BCR: variants seen among roughly 807,000 people sequenced by gnomAD.
BCR encodes BCR activator of RhoGEF and GTPase, also known as breakpoint cluster region protein.
BCR carries 58 observed loss-of-function variants against 138.6 expected under a neutral mutation model. That is an observed-to-expected ratio of 0.42 (90% CI 0.34 to 0.52). The LOEUF is 0.52. BCR is among the 20% of genes least tolerant of loss of function. The pLI, the probability that BCR is intolerant of heterozygous loss-of-function variation, is 0.06. For missense variants in BCR, 1,599 were observed against 1,727.2 expected (o/e 0.93, Z 1.32); for synonymous variants, 786 against 730.1 (o/e 1.08, Z -1.23).
At chr22:23,258,556 C>CTG (rs1194487723) in intron 2 of BCR, among the ~76,000 whole-genome samples, 1 of 152,212 alleles carries the variant, frequency 6.6e-6, no homozygotes, top group African/African-American at 2.4e-5. Context: ...ACCATGAGGC[C>CTG]TGAGCTGACC....
At chr22:23,315,327 C>CTT (rs2074057495) in intron 22 of BCR, 106 bp from the exon 23 acceptor site, 1 of 1,026,630 alleles carries the variant, frequency 9.7e-7, no homozygotes, top group African/African-American at 1.6e-5. Flanking sequence ...AGCAGGGGTC[C>CTT]CCAGCACCTG....
At chr22:23,263,733 C>G in intron 4 of BCR, 2 of 1,427,588 alleles carry the variant, frequency 1.4e-6, no homozygotes, top group Non-Finnish European at 9.9e-7. Context: ...AGGAGGTGAA[C>G]TGTGTGGATT....
chr22:23,191,518 G>A (rs1001256425), intron 1 of BCR, among the ~76,000 whole-genome samples: 7 of 152,098 alleles, frequency 4.6e-5, no homozygotes, highest in East Asian at 3.8e-4. Flanking sequence ...TTTCTTTAAC[G>A]GTATATTTGC....
chr22:23,210,294 A>G (rs5996489), intron 1 of BCR, among the ~76,000 whole-genome samples: 10,795 of 151,844 alleles, frequency 0.071, 1,264 homozygotes, highest in African/African-American at 0.24. Flanking sequence ...GCATGGACCT[A>G]TAGTCCTGGC....
Position 23,195,912 on chromosome 22 carries a change from A to G in BCR, c.1279+13673A>G, listed in dbSNP as rs2330366. ...AATTAAAAACAAATTAAATAAATAAATAAATACCACTGCTTTTTTAATAAC... is the reference window on the plus strand; with the variant it reads ...AATTAAAAACAAATTAAATAAATAAGTAAATACCACTGCTTTTTTAATAAC... On this transcript the variant is annotated intron_variant, in intron 1 of 22. Transcript: ENST00000305877. Among the ~76,000 whole-genome samples the G allele has an allele frequency of 4.8e-3, 738 of 152,320 alleles. 5 individuals are homozygous for G. The highest frequency in any genetic ancestry group is 0.017 in the African/African-American group (695 of 41,570).
intron 1 of BCR, among the ~76,000 whole-genome samples, chr22:23,236,148 T>A (rs965111705): frequency 2.0e-5 from 3 of 152,200 alleles, no homozygotes; most frequent in African/African-American, 7.2e-5. Flanking sequence ...GGGTGCCACC[T>A]CCTGCACACC....
At chr22:23,225,798 G>T (rs1225022339) in intron 1 of BCR, among the ~76,000 whole-genome samples, 1 of 152,152 alleles carries the variant, frequency 6.6e-6, no homozygotes, top group Non-Finnish European at 1.5e-5. Flanking sequence ...CCCTTTTCTG[G>T]CCTTTGCTGT....
At chr22:23,310,019 A>G in intron 17 of BCR, 2 of 420,146 alleles carry the variant, frequency 4.8e-6, no homozygotes, top group South Asian at 2.2e-5. Flanking sequence ...CTGGAACCCA[A>G]GAGTTCGATT....
intron 1 of BCR, among the ~76,000 whole-genome samples, chr22:23,245,076 C>A (rs868228623): frequency 1.3e-5 from 2 of 152,216 alleles, no homozygotes; most frequent in African/African-American, 2.4e-5. Context: ...CCCAGAAAAT[C>A]GCCAGCAAAG....
intron 8 of BCR, among the ~76,000 whole-genome samples, chr22:23,276,822 C>T (rs956095537): frequency 1.3e-5 from 2 of 152,246 alleles, no homozygotes; most frequent in African/African-American, 2.4e-5. Flanking sequence ...GGCGAAGCCC[C>T]GTCAGGGTCC....
chr22:23,238,126 C>A (rs74830910), intron 1 of BCR, among the ~76,000 whole-genome samples: 1 of 152,070 alleles, frequency 6.6e-6, no homozygotes, highest in South Asian at 2.1e-4. Flanking sequence ...GGAGTTTCAT[C>A]TGCAGGCCCC....
In BCR at chr22:23,181,094, T is replaced by C; in HGVS notation, c.134T>C (p.Leu45Pro). Residue 45 changes from leucine (L) to proline (P), a missense_variant, in exon 1 of 23, where the codon CTG (leucine) becomes CCG (proline). By Grantham distance (98) the Leu-to-Pro change is moderately conservative. Transcript: ENST00000305877. The stretch of plus-strand genomic sequence containing the variant: ...CGCTGCAAGGCCTCCATTCGGCGCC[T>C]GGAGCAGGAGGTGAACCAGGAGCGC... ...LERCKASIRR[L>P]EQEVNQERFR... 1 of 1,514,072 alleles carries C rather than the reference T, an allele frequency of 6.6e-7. No individual in the cohort carries two copies. Among genetic ancestry groups the C allele is most frequent in the South Asian group, 1.2e-5 (1 of 81,704 alleles). The allele number at this position is 1,514,072 out of a possible 1,614,324, so 93.8% of individuals were successfully genotyped here.
At chr22:23,273,602 G>A (rs2073535535) in intron 7 of BCR, 32 bp from the exon 8 acceptor site, 1 of 1,612,000 alleles carries the variant, frequency 6.2e-7, no homozygotes, top group African/African-American at 1.3e-5. Context: ...GTGCTCCTCT[G>A]TGTCTAACTC....
At chr22:23,274,865 A>ATG (rs2073554599) in intron 8 of BCR, among the ~76,000 whole-genome samples, 1 of 143,452 alleles carries the variant, frequency 7.0e-6, no homozygotes, top group African/African-American at 2.6e-5. Flanking sequence ...CCGAGATCTC[A>ATG]CCACTGCACT....
chr22:23,303,376 A>G (rs979527664), intron 16 of BCR, among the ~76,000 whole-genome samples: 1 of 152,188 alleles, frequency 6.6e-6, no homozygotes, highest in Admixed American at 6.5e-5. Context: ...TGAAGGCACC[A>G]AGAATCCTCA....
At chr22:23,227,236 C>T (rs533499038) in intron 1 of BCR, among the ~76,000 whole-genome samples, 1 of 152,300 alleles carries the variant, frequency 6.6e-6, no homozygotes, top group East Asian at 1.9e-4. Flanking sequence ...ACCTTCCGTA[C>T]CTACTGTGTG....
intron 8 of BCR, chr22:23,283,752 T>G (rs2073676986): frequency 1.1e-5 from 6 of 544,098 alleles, no homozygotes; most frequent in Non-Finnish European, 1.9e-5. Flanking sequence ...ATTGGGAAAT[T>G]TGTTGAACAA....
chr22:23,273,211 T>A (rs1026969264), intron 7 of BCR, 78 bp downstream of exon 7: 2 of 1,486,210 alleles, frequency 1.3e-6, no homozygotes, highest in African/African-American at 2.8e-5. Context: ...CTGAGACCTT[T>A]TTTTAGTTGT....
At chr22:23,210,099 T>C (rs1486241877) in intron 1 of BCR, among the ~76,000 whole-genome samples, 1 of 152,170 alleles carries the variant, frequency 6.6e-6, no homozygotes, top group Non-Finnish European at 1.5e-5. Flanking sequence ...AAAATACATA[T>C]CTTGTGAATT....
Sources: gnomAD v4.1 joint callset for allele counts (sites outside exome capture counted in the v4.1 genomes callset) on GRCh38, gnomAD v4.1.1 for gene constraint, MANE v1.5 for transcripts, NCBI Gene and HGNC (gene_info 2026-07-23, HGNC 2026-07-21) for gene names.